The following GABRG3 variants were observed in gnomAD, a reference collection of about 807,000 sequenced individuals.
The protein encoded by GABRG3 is gamma-aminobutyric acid receptor subunit gamma-3.
In GABRG3, 25 loss-of-function variants were observed where a neutral mutation model predicts 48.8. That is an observed-to-expected ratio of 0.51 (90% confidence interval 0.37 to 0.72). The LOEUF (loss-of-function observed/expected upper bound fraction) is 0.72. Ranked by LOEUF, GABRG3 falls within the 30% of genes least tolerant of loss-of-function variation. The pLI is 0.00. For synonymous variants in GABRG3, 227 were observed against 217.6 expected (o/e 1.04, Z -0.38); for missense variants, 394 against 577.9 (o/e 0.68, Z 3.26).
intron 3 of GABRG3, among the ~76,000 whole-genome samples, chr15:27,321,701 A>C (rs1290977699): frequency 6.6e-6 from 1 of 152,198 alleles, no homozygotes; most frequent in African/African-American, 2.4e-5. Context: ...TTTGTCCCCC[A>C]GCAAGTGTCT....
chr15:27,154,005 G>A lies in GABRG3; in HGVS notation c.270+127184G>A, dbSNP rs998841202. 2.6e-5 allele frequency among the ~76,000 whole-genome samples: 4 copies of A among 152,192 alleles called. No individual in the cohort carries two copies. The South Asian group carries it at 8.3e-4, about 32-fold the overall frequency. Reference sequence around the variant, plus strand: ...GAGGTAAATAGGCCATTTGTGTGAGGCTTTATGTTAACCTTACTAGGAGTT... The same window carrying A: ...GAGGTAAATAGGCCATTTGTGTGAGACTTTATGTTAACCTTACTAGGAGTT... On this transcript the variant is annotated intron_variant, in intron 3 of 9. Transcript: ENST00000615808.
At chr15:27,129,943 C>G (rs1400591511) in intron 3 of GABRG3, among the ~76,000 whole-genome samples, 3 of 152,120 alleles carry the variant, frequency 2.0e-5, no homozygotes, top group African/African-American at 7.2e-5. Context: ...TTTATATATT[C>G]TGGACATTAA....
intron 2 of GABRG3, among the ~76,000 whole-genome samples, chr15:26,994,982 A>AT (rs1242744687): frequency 6.6e-6 from 1 of 152,032 alleles, no homozygotes; most frequent in Non-Finnish European, 1.5e-5. Flanking sequence ...TCATCATTTT[A>AT]TAGTTTTGTT....
intron 2 of GABRG3, among the ~76,000 whole-genome samples, chr15:26,992,867 A>G (rs1895273589): frequency 6.6e-6 from 1 of 152,044 alleles, no homozygotes; most frequent in Non-Finnish European, 1.5e-5. Flanking sequence ...GGAAATTTTT[A>G]TTATGGCTTT....
intron 3 of GABRG3, among the ~76,000 whole-genome samples, chr15:27,312,397 A>G (rs1451840605): frequency 1.3e-5 from 2 of 152,192 alleles, no homozygotes; most frequent in Non-Finnish European, 2.9e-5. Flanking sequence ...AACAGTAGCT[A>G]ATTTTTTTCT....
chr15:27,111,610 C>T (rs1325156200), intron 3 of GABRG3, among the ~76,000 whole-genome samples: 1 of 152,080 alleles, frequency 6.6e-6, no homozygotes, highest in East Asian at 1.9e-4. Flanking sequence ...TTTTTGTCTT[C>T]CCCTTTGGAT....
chr15:27,506,546 T>C (rs1890764713), intron 6 of GABRG3, among the ~76,000 whole-genome samples: 1 of 152,106 alleles, frequency 6.6e-6, no homozygotes, highest in Non-Finnish European at 1.5e-5. Context: ...ACCTGAATGA[T>C]ATTAGAAGGA....
At chr15:27,315,363 C>A (rs191639086) in intron 3 of GABRG3, among the ~76,000 whole-genome samples, 15 of 152,278 alleles carry the variant, frequency 9.9e-5, no homozygotes, top group African/African-American at 3.4e-4. Flanking sequence ...CCAGAACTCT[C>A]TTGAGTAGGA....
rs956670539 is a variant in GABRG3 at position 26,974,652 on chromosome 15, A to G, written c.54-2350A>G. On this transcript the variant is annotated intron_variant, in intron 1 of 9. Coordinates refer to ENST00000615808, the MANE Select transcript of GABRG3 (RefSeq NM_033223.5). The surrounding 1 kb of genome is among the most constrained non-coding windows in gnomAD (Gnocchi z 4.3). ...GCATGTTGTGCCTGATTCTGCTGAGATGAGCTACCGGCCTCTCCTCACTGC... is the reference window on the plus strand; with the variant it reads ...GCATGTTGTGCCTGATTCTGCTGAGGTGAGCTACCGGCCTCTCCTCACTGC... Among the ~76,000 whole-genome samples the G allele has an allele frequency of 2.6e-5, 4 of 151,962 alleles. No homozygotes were observed. The highest frequency in any genetic ancestry group is 4.4e-5 in the Non-Finnish European group (3 of 68,002).
chr15:27,507,746 A>C (rs560389305), intron 6 of GABRG3, among the ~76,000 whole-genome samples: 2 of 152,174 alleles, frequency 1.3e-5, no homozygotes, highest in Non-Finnish European at 2.9e-5. Context: ...TCAATCACTT[A>C]GAAAAGATTA....
At chr15:27,478,010 A>C (rs1049654827) in intron 5 of GABRG3, among the ~76,000 whole-genome samples, 2 of 151,134 alleles carry the variant, frequency 1.3e-5, no homozygotes, top group African/African-American at 4.9e-5. Flanking sequence ...GCACCACTGC[A>C]CTCCACAGCC....
At chr15:27,378,685 A>C (rs1195731380) in intron 5 of GABRG3, among the ~76,000 whole-genome samples, 2 of 152,208 alleles carry the variant, frequency 1.3e-5, no homozygotes, top group Non-Finnish European at 2.9e-5. Flanking sequence ...ATACTGATTT[A>C]TTTAAATCAT....
At chr15:27,191,082 T>G (rs1445651295) in intron 3 of GABRG3, among the ~76,000 whole-genome samples, 2 of 152,218 alleles carry the variant, frequency 1.3e-5, no homozygotes, top group Admixed American at 1.3e-4. Context: ...TGCACTGTGG[T>G]CTGAGAGATA....
intron 9 of GABRG3, chr15:27,530,509 G>A (rs760338695): frequency 2.5e-6 from 1 of 407,444 alleles, no homozygotes; most frequent in Non-Finnish European, 5.0e-6. Context: ...TCGAAGCAGT[G>A]AACTATGAAG....
At chr15:27,407,521 C>A (rs1005231075) in intron 5 of GABRG3, among the ~76,000 whole-genome samples, 14 of 152,212 alleles carry the variant, frequency 9.2e-5, no homozygotes, top group African/African-American at 3.1e-4. Flanking sequence ...ATGTTTGTGG[C>A]AGCTTTATTC....
At chr15:27,098,401 T>C (rs1595523661) in intron 3 of GABRG3, among the ~76,000 whole-genome samples, 1 of 152,142 alleles carries the variant, frequency 6.6e-6, no homozygotes, top group Non-Finnish European at 1.5e-5. Context: ...ACCACTGCAC[T>C]CCAGCCTGTG....
intron 3 of GABRG3, among the ~76,000 whole-genome samples, chr15:27,218,383 C>G (rs564734957): frequency 1.3e-5 from 2 of 152,276 alleles, no homozygotes; most frequent in South Asian, 4.1e-4. Flanking sequence ...ATTTTATGCT[C>G]TTATTCAGAA....
At chr15:27,248,456 C>T (rs151041657) in intron 3 of GABRG3, among the ~76,000 whole-genome samples, 342 of 152,214 alleles carry the variant, frequency 2.2e-3, no homozygotes, top group African/African-American at 8.0e-3. Flanking sequence ...ATACCATGTA[C>T]AATGATTGGA....
intron 5 of GABRG3, among the ~76,000 whole-genome samples, chr15:27,359,110 T>G (rs1049941075): frequency 6.6e-6 from 1 of 152,158 alleles, no homozygotes; most frequent in African/African-American, 2.4e-5. Context: ...GCCTCTCCCT[T>G]CTCCTATCCA....
Sources: allele counts gnomAD v4.1 joint callset (sites outside exome capture counted in the v4.1 genomes callset), GRCh38; gene constraint gnomAD v4.1.1; non-coding constraint Gnocchi (gnomAD v3.1); transcripts MANE v1.5; gene names NCBI Gene and HGNC (gene_info 2026-07-23, HGNC 2026-07-21).